The following PCDHA7 variants were observed in gnomAD, a reference collection of about 807,000 sequenced individuals.
PCDHA7 encodes the protein protocadherin alpha-7.
PCDHA7 carries 37 observed loss-of-function variants against 57.2 expected under a neutral mutation model. The observed-to-expected ratio is 0.65, with a 90% CI of 0.50 to 0.85. PCDHA7 has a LOEUF of 0.85. Among genes scored for constraint, PCDHA7 ranks in the 40% least tolerant of loss-of-function variants. The probability of loss-of-function intolerance (pLI) is 0.00; values close to 1 mark genes in which losing one functional copy is unlikely to be tolerated. For missense variants in PCDHA7, 1,188 were observed against 1,241.8 expected, an observed-to-expected ratio of 0.96 and a Z score of 0.65; for synonymous variants, 553 against 558.8, an observed-to-expected ratio of 0.99 and a Z score of 0.15.
At chr5:140,915,207 A>G (rs1238146165) in intron 1 of PCDHA7, among the ~76,000 whole-genome samples, 2 of 152,154 alleles carry the variant, frequency 1.3e-5, no homozygotes, top group Non-Finnish European at 2.9e-5. Flanking sequence ...TTGGCCTCCC[A>G]AAGTGCTGGG....
At position 140,903,777 on chromosome 5, in the gene PCDHA7, T is replaced by C. The variant is rs80247548; in HGVS notation, c.2355+67039T>C. On this transcript the variant is annotated intron_variant, in intron 1 of 3. Transcript: ENST00000525929. ...GATTTTTGCTGAACTTTTCTATCCA[T>C]AAACTATCTATGGTTGTAATTGACA... 8.0e-3 allele frequency among the ~76,000 whole-genome samples: 1,216 copies of C among 152,334 alleles called. 6 individuals are homozygous for C. The highest frequency in any genetic ancestry group is 0.019 in the African/African-American group (784 of 41,582).
intron 1 of PCDHA7, chr5:140,867,929 GTTT>G (rs1459004552): frequency 6.6e-6 from 1 of 151,990 alleles, no homozygotes; most frequent in Non-Finnish European, 1.5e-5. Context: ...CACTTCCCTT[GTTT>G]TCCATGAACT....
intron 1 of PCDHA7, among the ~76,000 whole-genome samples, chr5:140,958,824 A>G (rs1008923744): frequency 5.9e-5 from 9 of 152,158 alleles, no homozygotes; most frequent in Admixed American, 5.9e-4. Context: ...TAATTTTTAT[A>G]TCTTAAAGTT....
intron 1 of PCDHA7, chr5:140,883,969 G>T (rs1398092888): frequency 5.6e-6 from 9 of 1,612,844 alleles, no homozygotes; most frequent in Non-Finnish European, 7.6e-6. Flanking sequence ...CGCTGCTGAC[G>T]CCCGGGGCTG....
At chr5:140,924,944 T>TA (rs11334471) in intron 1 of PCDHA7, among the ~76,000 whole-genome samples, 37 of 142,946 alleles carry the variant, frequency 2.6e-4, no homozygotes, top group Non-Finnish European at 4.2e-4. Context: ...AATAAAAAGT[T>TA]AAAAAAAAAA....
chr5:140,835,466 G>C lies in PCDHA7; in HGVS notation c.1083G>C (p.Glu361Asp). The C allele has an allele frequency of 6.2e-7, 1 of 1,613,902 alleles. No homozygotes were observed. ...CTTCCCTGTCTCTCCCTATTCCAGA[G>C]GACGCCCAACCAGGTACCGTCATCA... ...TLTSLSLPIP[E>D]DAQPGTVITL... The change falls in exon 1 of 4, where the codon GAG (glutamate) becomes GAC (aspartate). Residue 361 changes from glutamate (E) to aspartate (D), a missense_variant. Around this residue, in one of 3 missense-constraint regions of PCDHA7, gnomAD observed 892 missense variants for 788.5 expected, o/e 1.13. Transcript: ENST00000525929.
chr5:140,893,662 A>T (rs1462433571), intron 1 of PCDHA7, among the ~76,000 whole-genome samples: 5 of 152,204 alleles, frequency 3.3e-5, no homozygotes, highest in African/African-American at 1.2e-4. Context: ...GTTTTAAAAA[A>T]TTTCAGCACT....
At chr5:140,947,171 A>G (rs2094098405) in intron 1 of PCDHA7, among the ~76,000 whole-genome samples, 2 of 151,546 alleles carry the variant, frequency 1.3e-5, no homozygotes, top group Non-Finnish European at 3.0e-5. Context: ...AAAATGTGGT[A>G]TATATTCATG....
At chr5:140,917,334 G>GGGGGGGGGGGGGGT in intron 1 of PCDHA7, among the ~76,000 whole-genome samples, 1 of 147,630 alleles carries the variant, frequency 6.8e-6, no homozygotes, top group Non-Finnish European at 1.5e-5. Flanking sequence ...CGGGGGAGGG[G>GGGGGGGGGGGGGGT]GGGGATGGTG....
rs782314357 is a variant in PCDHA7 at position 140,927,486 on chromosome 5, C to G, written c.2356-51463C>G. The G allele has an allele frequency of 6.2e-6, 10 of 1,614,128 alleles. No individual in the cohort carries two copies. In the East Asian group the frequency reaches 2.2e-4, roughly 36 times the overall value. ...CACTGGATCGCGAACAGCGCGCCACCCACCTGCTGGTGCTTACAGCTCGGG... is the reference window on the plus strand; with the variant it reads ...CACTGGATCGCGAACAGCGCGCCACGCACCTGCTGGTGCTTACAGCTCGGG... On this transcript the variant is annotated intron_variant, in intron 1 of 3. Coordinates refer to ENST00000525929, the MANE Select transcript of PCDHA7 (RefSeq NM_018910.3).
chr5:140,917,483 G>C (rs1237773555), intron 1 of PCDHA7, among the ~76,000 whole-genome samples: 1 of 152,152 alleles, frequency 6.6e-6, no homozygotes, highest in Non-Finnish European at 1.5e-5. Flanking sequence ...CTTTGCCAGG[G>C]CCTATGCCCA....
intron 1 of PCDHA7, among the ~76,000 whole-genome samples, chr5:140,933,309 A>G (rs183796217): frequency 4.7e-4 from 72 of 152,092 alleles, no homozygotes; most frequent in Middle Eastern, 6.8e-3. Context: ...TAAATATGCA[A>G]TCTCGTATTC....
intron 1 of PCDHA7, chr5:140,848,269 G>A: frequency 2.0e-6 from 1 of 502,308 alleles, no homozygotes; most frequent in Non-Finnish European, 3.5e-6. Context: ...TTTTATTCAT[G>A]AAATATGTAC....
chr5:141,010,034 A>G lies in PCDHA7; in HGVS notation c.*97A>G. On this transcript the variant is annotated 3_prime_UTR_variant, in exon 4 of 4. Transcript: ENST00000525929. Reference sequence around the variant, plus strand: ...CCTGCTCCTTTTTCCTATCTACATGAGCCCTCTTAGAGACCTCAGAAATCT... The same window carrying G: ...CCTGCTCCTTTTTCCTATCTACATGGGCCCTCTTAGAGACCTCAGAAATCT... 6.3e-7 allele frequency: 1 copy of G among 1,582,208 alleles called. No individual in the cohort carries two copies.
rs149837711 is a variant in PCDHA7 at position 140,940,786 on chromosome 5, G to A, written c.2356-38163G>A. Reference sequence around the variant, plus strand: ...TTTGACTTTTGATGGTCCATATCCTGAAAATGATATTTGCCAGGATATCCT... The same window carrying A: ...TTTGACTTTTGATGGTCCATATCCTAAAAATGATATTTGCCAGGATATCCT... On this transcript the variant is annotated intron_variant, in intron 1 of 3. Coordinates refer to ENST00000525929, the MANE Select transcript of PCDHA7 (RefSeq NM_018910.3). 1.1e-4 allele frequency among the ~76,000 whole-genome samples: 17 copies of A among 152,224 alleles called. 1 individual carries two copies. The East Asian group carries it at 2.9e-3, about 26-fold the overall frequency.
At chr5:140,836,986 CTT>C (rs1370800263) in intron 1 of PCDHA7, 2 of 355,684 alleles carry the variant, frequency 5.6e-6, no homozygotes, top group Non-Finnish European at 9.9e-6. Context: ...TGGAGGAGGA[CTT>C]TGCTAACTGG....
At chr5:140,846,207 T>C (rs1310866622) in intron 1 of PCDHA7, among the ~76,000 whole-genome samples, 2 of 149,584 alleles carry the variant, frequency 1.3e-5, no homozygotes, top group Non-Finnish European at 3.0e-5. Context: ...GTATGAGATC[T>C]TTCCATTAAT....
intron 1 of PCDHA7, among the ~76,000 whole-genome samples, chr5:140,838,783 A>G (rs1398229562): frequency 6.6e-6 from 1 of 152,002 alleles, no homozygotes; most frequent in Middle Eastern, 3.2e-3. Context: ...TTAGCTATGC[A>G]TGGTGATGCA....
intron 1 of PCDHA7, chr5:140,843,306 C>T (rs1393236321): frequency 1.3e-6 from 2 of 1,596,004 alleles, no homozygotes; most frequent in Non-Finnish European, 1.7e-6. Context: ...CTGACCGCCA[C>T]GGCCACGGTT....
Sources: gnomAD v4.1 joint callset for allele counts (sites outside exome capture counted in the v4.1 genomes callset) on GRCh38, gnomAD v4.1.1 for gene constraint, gnomAD v4.1.1 regional missense constraint, MANE v1.5 for transcripts, NCBI Gene and HGNC (gene_info 2026-07-23, HGNC 2026-07-21) for gene names.